The following MYH10 variants were observed in gnomAD, a reference collection of about 807,000 sequenced individuals.
MYH10 encodes myosin-10.
Under a neutral mutation model 257.8 loss-of-function variants are expected in MYH10, and 55 were observed. The observed-to-expected ratio is 0.21, with a 90% CI of 0.17 to 0.27. The LOEUF (loss-of-function observed/expected upper bound fraction) is 0.27, where lower values mean the gene tolerates loss of function less well. MYH10 is among the 10% of genes least tolerant of loss of function. MYH10 has a pLI of 1.00. For synonymous variants in MYH10, 854 were observed against 921.7 expected (o/e 0.93, Z 1.33); for missense variants, 1,631 against 2,500.6 (o/e 0.65, Z 7.42).
chr17:8,546,861 T>C (rs2082461829), intron 11 of MYH10, among the ~76,000 whole-genome samples, 199 bp from the exon 12 acceptor site: 1 of 152,214 alleles, frequency 6.6e-6, no homozygotes, highest in Admixed American at 6.5e-5. Flanking sequence ...ATTTTTAGGC[T>C]ACAAGAGATG....
intron 3 of MYH10, among the ~76,000 whole-genome samples, chr17:8,598,711 T>C (rs2084479978): frequency 6.9e-5 from 1 of 14,502 alleles, no homozygotes. Flanking sequence ...ATTTTGTACC[T>C]TTTTTTTTTT....
chr17:8,494,325 T>C (rs1257227518), intron 31 of MYH10, among the ~76,000 whole-genome samples: 6 of 152,240 alleles, frequency 3.9e-5, no homozygotes, highest in Admixed American at 6.5e-5. Context: ...TCCTGCCAGA[T>C]TGACTTCTAA....
At chr17:8,554,076 C>A (rs2082716950) in intron 7 of MYH10, 58 bp from the exon 8 acceptor site, 1 of 1,146,194 alleles carries the variant, frequency 8.7e-7, no homozygotes. Context: ...TGGATATGAA[C>A]ACTAATAAAC....
chr17:8,595,085 A>G (rs2084311187), intron 3 of MYH10, among the ~76,000 whole-genome samples: 1 of 152,204 alleles, frequency 6.6e-6, no homozygotes, highest in African/African-American at 2.4e-5. Context: ...ACTCAGCACT[A>G]AAAAAGAATG....
At chr17:8,602,795 T>G (rs2084660607) in intron 3 of MYH10, among the ~76,000 whole-genome samples, 1 of 152,250 alleles carries the variant, frequency 6.6e-6, no homozygotes, top group Non-Finnish European at 1.5e-5. Flanking sequence ...AGTTATTTAT[T>G]TAACTTTCTT....
At chr17:8,524,879 C>T (rs759948789) in intron 17 of MYH10, among the ~76,000 whole-genome samples, 7 of 152,234 alleles carry the variant, frequency 4.6e-5, no homozygotes, top group Non-Finnish European at 1.0e-4. Context: ...GGCCTTCACT[C>T]AGAGTCAGAC....
chr17:8,530,844 T>C (rs987099255), intron 16 of MYH10, among the ~76,000 whole-genome samples, 159 bp from the exon 17 acceptor site: 22 of 152,290 alleles, frequency 1.4e-4, no homozygotes, highest in East Asian at 1.2e-3. Context: ...TTTAGAGAAT[T>C]TGCACATTTG....
At position 8,480,533 on chromosome 17, in the gene MYH10, G is replaced by A; in HGVS notation, c.5265-8C>T. 1 of 1,604,766 alleles carries A rather than the reference G, an allele frequency of 6.2e-7. No homozygotes were observed. The highest frequency in any genetic ancestry group is 8.5e-7 in the Non-Finnish European group (1 of 1,179,736). ...TCATCCAGCAGCGCGGACCTGGCGGGGAGAGGAGGAGGGGACGGTTCAATC... is the reference window on the plus strand; with the variant it reads ...TCATCCAGCAGCGCGGACCTGGCGGAGAGAGGAGGAGGGGACGGTTCAATC... On this transcript the variant is annotated splice_region_variant and splice_polypyrimidine_tract_variant and intron_variant, in intron 38 of 42. Coordinates refer to ENST00000360416, the MANE Select transcript of MYH10 (RefSeq NM_001256012.3).
At chr17:8,559,980 C>T (rs999076692) in intron 7 of MYH10, among the ~76,000 whole-genome samples, 2 of 152,162 alleles carry the variant, frequency 1.3e-5, no homozygotes, top group African/African-American at 2.4e-5. Context: ...TGGGCAAATG[C>T]GTTCTCAAAC....
Position 8,480,279 on chromosome 17 carries a change from C to T in MYH10, c.5428G>A (p.Ala1810Thr), listed in dbSNP as rs145005443. Residue 1810 changes from alanine (A) to threonine (T), a missense_variant, in exon 40 of 43, where the codon GCC (alanine) becomes ACC (threonine). Transcript: ENST00000360416. ...CGTGCATTGTCACTCTTCTGGGCGG[C>T]GCTGCGCTCGGCTGCTAGCTCGGCG... ...LNAELAAERS[A>T]AQKSDNARQQ... The T allele has an allele frequency of 1.1e-5, 17 of 1,613,974 alleles. No homozygotes were observed. The highest frequency in any genetic ancestry group is 1.6e-4 in the Middle Eastern group (1 of 6,084).
At chr17:8,492,656 C>A in intron 33 of MYH10, 120 bp downstream of exon 33, 3 of 1,242,062 alleles carry the variant, frequency 2.4e-6, no homozygotes, top group Non-Finnish European at 3.2e-6. Context: ...TTTGCTTTCC[C>A]TTTTTCCAAT....
rs2081074303 is a variant in MYH10 at position 8,506,374 on chromosome 17, A to T, written c.3330T>A (p.Asp1110Glu). ...DQIAELQAQI[D>E]ELKLQLAKKE... ...TCTTGGCCAGCTGCAGCTTGAGCTC[A>T]TCAATCTGCGCCTGCAGCTCTGCGA... is the stretch of plus-strand genomic sequence containing the variant. The change falls in exon 27 of 43, where the codon GAT (aspartate) becomes GAA (glutamate). Residue 1110 changes from aspartate to glutamate, a missense_variant. This residue lies in a region of MYH10 where 169 missense variants were observed against 249.8 expected (regional missense o/e 0.68). Coordinates refer to ENST00000360416, the MANE Select transcript of MYH10 (RefSeq NM_001256012.3). The surrounding 1 kb of genome is among the most constrained non-coding windows in gnomAD (Gnocchi z 5.0). 1 of 1,611,206 alleles carries T rather than the reference A, an allele frequency of 6.2e-7. No homozygotes were observed. Among genetic ancestry groups the T allele is most frequent in the African/African-American group, 1.3e-5 (1 of 74,632 alleles).
intron 2 of MYH10, among the ~76,000 whole-genome samples, chr17:8,616,276 T>C (rs2085256906): frequency 6.6e-6 from 1 of 151,716 alleles, no homozygotes; most frequent in African/African-American, 2.4e-5. Flanking sequence ...GAGCAAAACT[T>C]TGTCTCCAAA....
At chr17:8,520,228 A>G (rs778921543) in intron 19 of MYH10, among the ~76,000 whole-genome samples, 15 of 152,200 alleles carry the variant, frequency 9.9e-5, no homozygotes, top group Non-Finnish European at 2.2e-4. Context: ...TTTAAAAATA[A>G]TTATGTTAGG....
chr17:8,562,827 G>A (rs898245153), intron 7 of MYH10, among the ~76,000 whole-genome samples: 2 of 152,118 alleles, frequency 1.3e-5, no homozygotes, highest in Non-Finnish European at 2.9e-5. Context: ...GTGCAATAGG[G>A]AAACCCGGAT....
At chr17:8,528,869 T>C (rs530193775) in intron 17 of MYH10, among the ~76,000 whole-genome samples, 2 of 152,096 alleles carry the variant, frequency 1.3e-5, no homozygotes, top group Non-Finnish European at 2.9e-5. Flanking sequence ...AAAGAACATA[T>C]TTGGCCTTGG....
intron 7 of MYH10, among the ~76,000 whole-genome samples, chr17:8,565,590 C>T (rs1181604219): frequency 6.6e-6 from 1 of 152,182 alleles, no homozygotes; most frequent in Admixed American, 6.5e-5. Flanking sequence ...GAATTGAAAG[C>T]TACGTCTAAG....
chr17:8,597,145 C>G (rs1220618593), intron 3 of MYH10, among the ~76,000 whole-genome samples: 1 of 152,002 alleles, frequency 6.6e-6, no homozygotes, highest in East Asian at 1.9e-4. Flanking sequence ...ACAAAGAAAA[C>G]AAATTATATA....
chr17:8,499,417 C>A lies in MYH10; in HGVS notation c.3804G>T (p.Ala1268=), dbSNP rs772713569. ...QGLETDNKEL[A]CEVKVLQQVK... ...CCTGCTGCAGGACCTTCACCTCACA[C>A]GCCAGCTCCTTGTTATCTGTCTCCA... Residue 1268 remains alanine (A), a synonymous_variant, in exon 30 of 43, where the codon GCG becomes GCT. Transcript: ENST00000360416. 8 of 1,614,160 alleles carry A rather than the reference C, an allele frequency of 5.0e-6. No individual in the cohort carries two copies. The highest frequency in any genetic ancestry group is 5.9e-6 in the Non-Finnish European group (7 of 1,180,038).
Sources: gnomAD v4.1 joint callset for allele counts (sites outside exome capture counted in the v4.1 genomes callset) on GRCh38, gnomAD v4.1.1 for gene constraint, gnomAD v4.1.1 regional missense constraint, Gnocchi (gnomAD v3.1) non-coding constraint, MANE v1.5 for transcripts, NCBI Gene and HGNC (gene_info 2026-07-23, HGNC 2026-07-21) for gene names.